EHBP1: variants seen among roughly 807,000 people sequenced by gnomAD.
EHBP1 encodes EH domain binding protein 1, also known as EH domain-binding protein 1.
Under a neutral mutation model 144.0 loss-of-function variants are expected in EHBP1, and 55 were observed. The observed-to-expected ratio is 0.38, with a 90% CI of 0.31 to 0.48. The LOEUF (loss-of-function observed/expected upper bound fraction) is 0.48. Ranked by LOEUF, EHBP1 falls within the 20% of genes least tolerant of loss-of-function variation. EHBP1 has a pLI of 0.98. For synonymous variants in EHBP1, 469 were observed against 472.7 expected (o/e 0.99, Z 0.10); for missense variants, 1,200 against 1,364.2 (o/e 0.88, Z 1.90).
intron 5 of EHBP1, among the ~76,000 whole-genome samples, chr2:62,805,276 G>A (rs1282834928): frequency 2.0e-5 from 3 of 151,472 alleles, no homozygotes; most frequent in East Asian, 3.9e-4. Flanking sequence ...ATTATATTAT[G>A]GTATGGTATT....
At chr2:62,787,271 C>T (rs965310992) in intron 5 of EHBP1, among the ~76,000 whole-genome samples, 2 of 151,914 alleles carry the variant, frequency 1.3e-5, no homozygotes, top group African/African-American at 4.8e-5. Context: ...AACAATGGTT[C>T]TAAAGTTATA....
At chr2:62,748,957 A>G (rs1158301336) in intron 3 of EHBP1, among the ~76,000 whole-genome samples, 1 of 152,120 alleles carries the variant, frequency 6.6e-6, no homozygotes, top group Non-Finnish European at 1.5e-5. Flanking sequence ...ACTTCTGTAA[A>G]GATACAGACT....
chr2:62,836,291 A>C (rs967544950), intron 7 of EHBP1, among the ~76,000 whole-genome samples: 7 of 151,614 alleles, frequency 4.6e-5, no homozygotes, highest in African/African-American at 1.7e-4. Flanking sequence ...CCTGTCTGTT[A>C]GAAGGAAAAC....
chr2:62,997,428 ATG>A (rs70962800), intron 19 of EHBP1, among the ~76,000 whole-genome samples: 9,388 of 90,090 alleles, frequency 0.1, 363 homozygotes, highest in African/African-American at 0.13. Context: ...AAAGGAACTC[ATG>A]TGTGTGTGTG....
intron 2 of EHBP1, among the ~76,000 whole-genome samples, chr2:62,728,609 G>C (rs2037078533): frequency 6.6e-6 from 1 of 151,360 alleles, no homozygotes; most frequent in African/African-American, 2.4e-5. Flanking sequence ...TTTTAGTGTT[G>C]TAAGAATTCT....
At chr2:62,996,501 C>A in intron 18 of EHBP1, 142 bp from the exon 19 acceptor site, 1 of 964,682 alleles carries the variant, frequency 1.0e-6, no homozygotes, top group Non-Finnish European at 1.5e-6. Context: ...TTTTGAATCA[C>A]AGAGAGTTGC....
At chr2:62,866,879 A>G (rs1019550183) in intron 9 of EHBP1, among the ~76,000 whole-genome samples, 2 of 152,156 alleles carry the variant, frequency 1.3e-5, no homozygotes, top group African/African-American at 4.8e-5. Flanking sequence ...AAGAAGCCAA[A>G]TGAAACTCAA....
intron 2 of EHBP1, among the ~76,000 whole-genome samples, chr2:62,716,938 A>G (rs2035744893): frequency 6.6e-6 from 1 of 151,810 alleles, no homozygotes; most frequent in Non-Finnish European, 1.5e-5. Flanking sequence ...TTCTTTTTTC[A>G]TTATCTTTTG....
intron 19 of EHBP1, among the ~76,000 whole-genome samples, chr2:63,003,858 C>G (rs1164848485): frequency 6.6e-6 from 1 of 152,048 alleles, no homozygotes; most frequent in Non-Finnish European, 1.5e-5. Flanking sequence ...TTAGAATTTA[C>G]ATTTCCACTA....
chr2:62,724,818 G>T (rs1433870727), intron 2 of EHBP1, among the ~76,000 whole-genome samples: 1 of 152,168 alleles, frequency 6.6e-6, no homozygotes, highest in East Asian at 1.9e-4. Context: ...TGTCAGATCA[G>T]TGGTGGCATT....
At chr2:62,892,285 T>G (rs2052526193) in intron 10 of EHBP1, among the ~76,000 whole-genome samples, 1 of 152,166 alleles carries the variant, frequency 6.6e-6, no homozygotes, top group African/African-American at 2.4e-5. Flanking sequence ...TAGATTATAC[T>G]GTAGCTAGGT....
At chr2:62,944,648 G>A (rs865885986) in intron 12 of EHBP1, among the ~76,000 whole-genome samples, 1 of 152,090 alleles carries the variant, frequency 6.6e-6, no homozygotes, top group South Asian at 2.1e-4. Context: ...TCAATATATT[G>A]AGATCAGAAC....
At chr2:62,681,315 T>A (rs2033506510) in intron 1 of EHBP1, among the ~76,000 whole-genome samples, 1 of 125,856 alleles carries the variant, frequency 7.9e-6, no homozygotes, top group African/African-American at 3.1e-5. Context: ...CAAATATATA[T>A]ATATATTTGT....
At chr2:62,682,533 A>G (rs117345857) in intron 1 of EHBP1, among the ~76,000 whole-genome samples, 1 of 152,368 alleles carries the variant, frequency 6.6e-6, no homozygotes, top group East Asian at 1.9e-4. Flanking sequence ...AGAAAATCCT[A>G]TACTCAGCCT....
chr2:62,744,167 A>G (rs547643145), intron 2 of EHBP1, among the ~76,000 whole-genome samples: 6 of 152,264 alleles, frequency 3.9e-5, no homozygotes, highest in South Asian at 2.1e-4. Context: ...AAATGTTTAC[A>G]TGTAATATAT....
At chr2:62,836,219 C>T (rs1383723857) in intron 7 of EHBP1, among the ~76,000 whole-genome samples, 1 of 152,120 alleles carries the variant, frequency 6.6e-6, no homozygotes, top group Non-Finnish European at 1.5e-5. Flanking sequence ...GAGGCACCCC[C>T]CAGCAGGGGC....
intron 2 of EHBP1, among the ~76,000 whole-genome samples, chr2:62,715,262 A>T (rs1156776612): frequency 6.6e-6 from 1 of 151,888 alleles, no homozygotes; most frequent in Non-Finnish European, 1.5e-5. Context: ...CTATAGGTGC[A>T]TGCCACCATG....
intron 10 of EHBP1, among the ~76,000 whole-genome samples, chr2:62,881,037 T>C (rs2051363522): frequency 6.6e-6 from 1 of 151,914 alleles, no homozygotes; most frequent in South Asian, 2.1e-4. Context: ...TATATATATA[T>C]ACACCATGGA....
chr2:62,882,296 G>A (rs2152878086), intron 10 of EHBP1, among the ~76,000 whole-genome samples: 2 of 152,208 alleles, frequency 1.3e-5, no homozygotes, highest in Admixed American at 1.3e-4. Flanking sequence ...GTCTTGCTGG[G>A]TTGTGCTAGA....
Sources: allele counts gnomAD v4.1 joint callset (sites outside exome capture counted in the v4.1 genomes callset), GRCh38; gene constraint gnomAD v4.1.1; transcripts MANE v1.5; gene names NCBI Gene and HGNC (gene_info 2026-07-23, HGNC 2026-07-21).